Variants in FAM186A observed in about 807,000 individuals in gnomAD.
The protein encoded by FAM186A is protein FAM186A.
Under a neutral mutation model 216.8 loss-of-function variants are expected in FAM186A, and 163 were observed. That is an observed-to-expected ratio of 0.75 (90% CI 0.66 to 0.86). The LOEUF is 0.86. Ranked by LOEUF, FAM186A falls within the 40% of genes least tolerant of loss-of-function variation. FAM186A has a pLI of 0.00. For missense variants in FAM186A, 2,184 were observed against 2,746.2 expected (o/e 0.80, Z 4.58); for synonymous variants, 805 against 1,025.3 (o/e 0.79, Z 4.10).
At chr12:50,378,310 C>T (rs1943218550) in intron 1 of FAM186A, among the ~76,000 whole-genome samples, 2 of 151,636 alleles carry the variant, frequency 1.3e-5, no homozygotes, top group South Asian at 4.2e-4. Context: ...GTGGGTGGAT[C>T]ACGAGGTCAG....
intron 1 of FAM186A, among the ~76,000 whole-genome samples, chr12:50,391,202 T>G (rs1046282156): frequency 6.6e-6 from 1 of 152,056 alleles, no homozygotes; most frequent in African/African-American, 2.4e-5. Context: ...TTGGCCAGGC[T>G]GGTCTTAAAC....
chr12:50,334,036 G>A lies in FAM186A; in HGVS notation c.6571C>T (p.His2191Tyr), dbSNP rs1305916339. 3 of 1,551,616 alleles carry A rather than the reference G, an allele frequency of 1.9e-6. No homozygotes were observed. Among genetic ancestry groups the A allele is most frequent in the South Asian group, 1.2e-5 (1 of 84,034 alleles). Residue 2191 changes from histidine to tyrosine, a missense_variant, in exon 5 of 8, where the codon CAC becomes TAC. His to Tyr is a moderately conservative substitution (Grantham distance 83). This residue lies in a region of FAM186A where 721 missense variants were observed against 816.4 expected (regional missense o/e 0.88). Transcript: ENST00000327337. ...TGKGYEARNL[H>Y]MMLSRLDDYG... ...TCATCAAGTCTGCTCAGCATCATGT[G>A]GAGGTTCCTGGCCTCATAGCCTTTC...
At chr12:50,380,913 A>G (rs575347467) in intron 1 of FAM186A, among the ~76,000 whole-genome samples, 1 of 152,238 alleles carries the variant, frequency 6.6e-6, no homozygotes, top group Non-Finnish European at 1.5e-5. Flanking sequence ...TGAGCAAGTG[A>G]GCATTGGGCC....
chr12:50,342,720 G>T (rs1009977661), intron 4 of FAM186A, among the ~76,000 whole-genome samples: 1 of 150,728 alleles, frequency 6.6e-6, no homozygotes, highest in Non-Finnish European at 1.5e-5. Flanking sequence ...TGATCCACCC[G>T]CCTCAGCCTC....
At position 50,344,304 on chromosome 12, in the gene FAM186A, G is replaced by T. The variant is rs1942792307; in HGVS notation, c.6503+6025C>A. On this transcript the variant is annotated intron_variant, in intron 4 of 7. Coordinates refer to ENST00000327337, the MANE Select transcript of FAM186A (RefSeq NM_001145475.3). Reference sequence around the variant, plus strand: ...CTACTAGTGGTCCCCAGTGTCTGTTGTTCCCATCTTTATGTCCCTGTGTAC... The same window carrying T: ...CTACTAGTGGTCCCCAGTGTCTGTTTTTCCCATCTTTATGTCCCTGTGTAC... Among the ~76,000 whole-genome samples, 3 of 152,068 alleles carry T rather than the reference G, an allele frequency of 2.0e-5. No individual in the cohort carries two copies. The South Asian group carries it at 6.2e-4, about 32-fold the overall frequency.
Position 50,355,584 on chromosome 12 carries a change from A to T in FAM186A, c.1248T>A (p.Asp416Glu). The change falls in exon 4 of 8, where the codon GAT becomes GAA. Residue 416 changes from aspartate to glutamate, a missense_variant. Asp to Glu is a conservative substitution (Grantham distance 45, BLOSUM62 2). Around this residue, in one of 7 missense-constraint regions of FAM186A, gnomAD observed 1,132 missense variants for 1,263.4 expected, o/e 0.90. Transcript: ENST00000327337. ...SYTAQAERTP[D>E]LTELRQQPVA... ...CAGGTTGCTGTCGTAGTTCAGTTAAATCTGGAGTTCTTTCAGCTTGGGCTG... is the reference window on the plus strand; with the variant it reads ...CAGGTTGCTGTCGTAGTTCAGTTAATTCTGGAGTTCTTTCAGCTTGGGCTG... The T allele has an allele frequency of 6.4e-7, 1 of 1,551,628 alleles. No individual in the cohort carries two copies. Among genetic ancestry groups the T allele is most frequent in the Non-Finnish European group, 8.7e-7 (1 of 1,146,986 alleles).
intron 1 of FAM186A, 71 bp downstream of exon 1, chr12:50,396,222 C>A: frequency 7.3e-7 from 1 of 1,370,698 alleles, no homozygotes; most frequent in South Asian, 1.7e-5. Flanking sequence ...CTAAAATAAA[C>A]AAAAATGTAC....
Position 50,354,852 on chromosome 12 carries a change from T to C in FAM186A, c.1980A>G (p.Pro660=). 6.5e-7 allele frequency: 1 copy of C among 1,547,014 alleles called. No individual in the cohort carries two copies. The highest frequency in any genetic ancestry group is 8.7e-7 in the Non-Finnish European group (1 of 1,146,104). ...TSESTRVLES[P]DGKSEQSNLE... is the part of the protein sequence containing the mutation. ...GGTTACTCTGTTCACTTTTGCCATC[T>C]GGACTTTCTAGAACTCTGGTAGATT... Residue 660 remains proline (P), a synonymous_variant, in exon 4 of 8, where the codon CCA becomes CCG. Coordinates refer to ENST00000327337, the MANE Select transcript of FAM186A (RefSeq NM_001145475.3).
At chr12:50,356,774 A>C (rs1165068974) in intron 3 of FAM186A, among the ~76,000 whole-genome samples, 1 of 152,164 alleles carries the variant, frequency 6.6e-6, no homozygotes, top group African/African-American at 2.4e-5. Context: ...CTGGGTGGGC[A>C]GATGACCTGA....
chr12:50,393,071 C>T (rs11169409), intron 1 of FAM186A, among the ~76,000 whole-genome samples: 3 of 151,260 alleles, frequency 2.0e-5, no homozygotes, highest in East Asian at 2.0e-4. Context: ...GGACTACAGG[C>T]GCCCGCCACC....
intron 2 of FAM186A, among the ~76,000 whole-genome samples, chr12:50,361,933 T>C (rs1943039831): frequency 1.3e-5 from 2 of 151,840 alleles, no homozygotes; most frequent in South Asian, 4.2e-4. Context: ...AATTCCCTTT[T>C]TTGATATTCT....
chr12:50,384,121 AAAAG>A (rs1943280169), intron 1 of FAM186A, among the ~76,000 whole-genome samples: 1 of 152,062 alleles, frequency 6.6e-6, no homozygotes, highest in African/African-American at 2.4e-5. Flanking sequence ...TGTCTCAAAA[AAAAG>A]AAAGAAAGAA....
intron 7 of FAM186A, among the ~76,000 whole-genome samples, chr12:50,329,467 G>A (rs1006784699): frequency 8.6e-5 from 13 of 151,960 alleles, no homozygotes; most frequent in Admixed American, 5.2e-4. Context: ...ATAAACTCGT[G>A]CTCATGATAT....
chr12:50,356,168 G>C lies in FAM186A; in HGVS notation c.664C>G (p.Gln222Glu), dbSNP rs1942974871. ...GTTGCAAGTTGATCACTAATCATCT[G>C]ATCTGGTCTTAAAGCACGGGCTGTT... ...PSTARALRPD[Q>E]MISDQLATNT... Residue 222 changes from glutamine (Q) to glutamate (E), a missense_variant, in exon 4 of 8, where the codon CAG becomes GAG. By Grantham distance (29) the Gln-to-Glu change is conservative (BLOSUM62 2). Around this residue, in one of 7 missense-constraint regions of FAM186A, gnomAD observed 1,132 missense variants for 1,263.4 expected, o/e 0.90. Coordinates refer to ENST00000327337, the MANE Select transcript of FAM186A (RefSeq NM_001145475.3). 6.4e-7 allele frequency: 1 copy of C among 1,551,568 alleles called. No homozygotes were observed. Among genetic ancestry groups the C allele is most frequent in the Non-Finnish European group, 8.7e-7 (1 of 1,146,974 alleles).
chr12:50,347,219 C>A (rs1402944341), intron 4 of FAM186A, among the ~76,000 whole-genome samples: 2 of 152,072 alleles, frequency 1.3e-5, no homozygotes, highest in Non-Finnish European at 2.9e-5. Context: ...ACAACAATCA[C>A]CTTGAACATT....
intron 3 of FAM186A, among the ~76,000 whole-genome samples, chr12:50,358,131 G>T (rs1565888275): frequency 1.3e-5 from 2 of 151,782 alleles, no homozygotes; most frequent in African/African-American, 4.8e-5. Context: ...CGAGTTCTTA[G>T]TACAATACTA....
chr12:50,330,210 A>G (rs7489214), intron 7 of FAM186A, among the ~76,000 whole-genome samples: 75,177 of 152,056 alleles, frequency 0.49, 22,110 homozygotes, highest in Non-Finnish European at 0.64. Context: ...AGCTCATGTC[A>G]CTGAATCATA....
At chr12:50,340,598 C>A (rs968669481) in intron 4 of FAM186A, among the ~76,000 whole-genome samples, 4 of 151,264 alleles carry the variant, frequency 2.6e-5, no homozygotes, top group African/African-American at 9.7e-5. Flanking sequence ...TCGCTTCGGC[C>A]CAGGAGTTTG....
intron 1 of FAM186A, among the ~76,000 whole-genome samples, chr12:50,376,434 G>T (rs898700334): frequency 6.6e-6 from 1 of 152,208 alleles, no homozygotes; most frequent in Non-Finnish European, 1.5e-5. Context: ...AACAAGGGTA[G>T]AGGAGACTTG....
Sources: gnomAD v4.1 joint callset for allele counts (sites outside exome capture counted in the v4.1 genomes callset) on GRCh38, gnomAD v4.1.1 for gene constraint, gnomAD v4.1.1 regional missense constraint, MANE v1.5 for transcripts, NCBI Gene and HGNC (gene_info 2026-07-23, HGNC 2026-07-21) for gene names.